The following POU6F2 variants were observed in gnomAD, a reference collection of about 807,000 sequenced individuals.
POU6F2 encodes POU class 6 homeobox 2, also known as POU domain, class 6, transcription factor 2.
Under a neutral mutation model 71.3 loss-of-function variants are expected in POU6F2, and 31 were observed. The ratio of observed to expected loss-of-function variants is 0.43; its 90% CI spans 0.33 to 0.59. The LOEUF is 0.59. Ranked by LOEUF, POU6F2 falls within the 20% of genes least tolerant of loss-of-function variation. The pLI, the probability that POU6F2 is intolerant of heterozygous loss-of-function variation, is 0.04. For missense variants in POU6F2, 783 were observed against 856.8 expected, an observed-to-expected ratio of 0.91 and a Z score of 1.07; for synonymous variants, 347 against 355.7, an observed-to-expected ratio of 0.98 and a Z score of 0.27.
chr7:39,246,798 C>G (rs537408380), intron 4 of POU6F2, among the ~76,000 whole-genome samples: 1 of 149,614 alleles, frequency 6.7e-6, no homozygotes, highest in Admixed American at 6.7e-5. Flanking sequence ...TCAGTGTTTA[C>G]TTAGCCAATT....
intron 7 of POU6F2, among the ~76,000 whole-genome samples, chr7:39,443,361 G>A (rs965161973): frequency 6.6e-6 from 1 of 152,178 alleles, no homozygotes; most frequent in African/African-American, 2.4e-5. Context: ...TGCACGCTGA[G>A]AGAACACGTG....
intron 4 of POU6F2, among the ~76,000 whole-genome samples, chr7:39,336,703 TCTC>T (rs748300816): frequency 1.8e-4 from 27 of 152,122 alleles, no homozygotes; most frequent in Non-Finnish European, 3.4e-4. Context: ...TAATGGCTGT[TCTC>T]CTTCCTAATA....
intron 1 of POU6F2, among the ~76,000 whole-genome samples, chr7:38,978,970 T>C (rs1170303190): frequency 2.0e-5 from 3 of 152,192 alleles, no homozygotes; most frequent in Non-Finnish European, 4.4e-5. Flanking sequence ...CATTGTATTT[T>C]CATTTGCCTT....
intron 4 of POU6F2, among the ~76,000 whole-genome samples, chr7:39,271,954 C>T (rs1449397284): frequency 4.8e-5 from 7 of 145,270 alleles, no homozygotes; most frequent in Admixed American, 1.4e-4. Context: ...GGGATCCATA[C>T]GGTTATGAAG....
rs751710078 is a variant in POU6F2, at chr7:39,339,688, CCAGCAGCAGCAG to C, written c.665_676del (p.Gln222_Gln225del). On this transcript the variant is annotated inframe_deletion, in exon 5 of 10. Transcript: ENST00000518318. The stretch of plus-strand genomic sequence containing the variant: ...AGCTCCAGCAGCTCCAGCTCCAGCT[CCAGCAGCAGCAG>C]CAGCAGCAGCAGCAGCAGCCTCCCC... 24 of 1,597,878 alleles carry C rather than the reference CCAGCAGCAGCAG, an allele frequency of 1.5e-5. No individual in the cohort carries two copies. Among genetic ancestry groups the C allele is most frequent in the South Asian group, 7.8e-5 (7 of 89,910 alleles).
chr7:39,032,775 T>A (rs1789975241), intron 1 of POU6F2, among the ~76,000 whole-genome samples: 1 of 152,146 alleles, frequency 6.6e-6, no homozygotes, highest in African/African-American at 2.4e-5. Context: ...ATAACCACTT[T>A]AACACAGAGC....
At chr7:39,115,805 A>G (rs1295738936) in intron 2 of POU6F2, among the ~76,000 whole-genome samples, 1 of 152,132 alleles carries the variant, frequency 6.6e-6, no homozygotes, top group Non-Finnish European at 1.5e-5. Flanking sequence ...TAAGTGAAAT[A>G]AAATCTTTTT....
In POU6F2 at chr7:39,399,934, G is replaced by A. The variant is rs566991560; in HGVS notation, c.973-6666G>A. 5.1e-4 allele frequency among the ~76,000 whole-genome samples: 78 copies of A among 152,066 alleles called. No individual in the cohort carries two copies. In the South Asian group the frequency reaches 0.01, roughly 20 times the overall value. On this transcript the variant is annotated intron_variant, in intron 5 of 9. Coordinates refer to ENST00000518318, the MANE Select transcript of POU6F2 (RefSeq NM_001370959.1). ...GGTCCAGAGTGCAGGAGCTTCTGTC[G>A]CCAGGGAGTTTGGGGTGTACCACCC...
chr7:39,218,641 T>C (rs1238184574), intron 4 of POU6F2, among the ~76,000 whole-genome samples: 1 of 152,042 alleles, frequency 6.6e-6, no homozygotes, highest in African/African-American at 2.4e-5. Flanking sequence ...GGCACTCCAA[T>C]CTAGTTAGGA....
At chr7:39,238,094 A>G (rs991447392) in intron 4 of POU6F2, among the ~76,000 whole-genome samples, 1 of 152,114 alleles carries the variant, frequency 6.6e-6, no homozygotes, top group Non-Finnish European at 1.5e-5. Context: ...GGGGGTATAA[A>G]TACTCTGAGG....
chr7:39,286,751 T>A (rs1365340923), intron 4 of POU6F2, among the ~76,000 whole-genome samples: 1 of 152,072 alleles, frequency 6.6e-6, no homozygotes, highest in African/African-American at 2.4e-5. Flanking sequence ...AAAGGTATCA[T>A]CATCATTGTC....
intron 1 of POU6F2, among the ~76,000 whole-genome samples, chr7:39,017,800 C>T (rs1327926193): frequency 8.1e-6 from 1 of 123,620 alleles, no homozygotes; most frequent in African/African-American, 3.1e-5. Flanking sequence ...AGCTCATTCC[C>T]AGATTGTGCA....
At chr7:39,382,403 G>A (rs1583563591) in intron 5 of POU6F2, among the ~76,000 whole-genome samples, 1 of 152,292 alleles carries the variant, frequency 6.6e-6, no homozygotes, top group South Asian at 2.1e-4. Flanking sequence ...ACTCAGACCT[G>A]GGCCAGCAGG....
chr7:39,137,985 G>A (rs535917210), intron 2 of POU6F2, among the ~76,000 whole-genome samples: 1 of 152,276 alleles, frequency 6.6e-6, no homozygotes, highest in South Asian at 2.1e-4. Context: ...AATCTGGTGG[G>A]TGTCATCATG....
chr7:39,176,309 C>T (rs1335180143), intron 2 of POU6F2, among the ~76,000 whole-genome samples: 2 of 152,170 alleles, frequency 1.3e-5, no homozygotes, highest in Non-Finnish European at 2.9e-5. Flanking sequence ...TCATGTTTTT[C>T]TACATTATCC....
At chr7:39,212,476 C>G (rs1434826565) in intron 4 of POU6F2, among the ~76,000 whole-genome samples, 1 of 152,168 alleles carries the variant, frequency 6.6e-6, no homozygotes, top group African/African-American at 2.4e-5. Context: ...ACCTCCTCCT[C>G]AAAGCCCTGT....
chr7:39,294,941 G>A (rs555962515), intron 4 of POU6F2, among the ~76,000 whole-genome samples: 2 of 152,208 alleles, frequency 1.3e-5, no homozygotes, highest in Admixed American at 1.3e-4. Context: ...ACTCTGCATT[G>A]AAATCAGGGG....
intron 6 of POU6F2, among the ~76,000 whole-genome samples, chr7:39,419,142 TAC>T (rs1440952414): frequency 1.4e-5 from 2 of 140,092 alleles, no homozygotes; most frequent in Non-Finnish European, 3.0e-5. Context: ...CACATATATA[TAC>T]GTATATATGT....
intron 2 of POU6F2, among the ~76,000 whole-genome samples, chr7:39,110,226 G>A (rs1468499280): frequency 1.4e-5 from 2 of 141,026 alleles, no homozygotes; most frequent in African/African-American, 5.3e-5. Flanking sequence ...AGCTGAGATC[G>A]CATCACTGCA....
Sources: gnomAD v4.1 joint callset for allele counts (sites outside exome capture counted in the v4.1 genomes callset) on GRCh38, gnomAD v4.1.1 for gene constraint, MANE v1.5 for transcripts, NCBI Gene and HGNC (gene_info 2026-07-23, HGNC 2026-07-21) for gene names.